OBSL1: variants seen among roughly 807,000 people sequenced by gnomAD.
The protein encoded by OBSL1 is obscurin-like protein 1.
Under a neutral mutation model 172.0 loss-of-function variants are expected in OBSL1, and 160 were observed. The observed-to-expected ratio is 0.93, with a 90% CI of 0.82 to 1.06. The LOEUF is 1.06. Among genes scored for constraint, OBSL1 ranks in the 50% least tolerant of loss-of-function variants. The pLI is 0.00. For synonymous variants in OBSL1, 1,200 were observed against 1,196.3 expected, an observed-to-expected ratio of 1.00 and a Z score of -0.06; for missense variants, 2,681 against 2,715.4, an observed-to-expected ratio of 0.99 and a Z score of 0.28.
intron 5 of OBSL1, among the ~76,000 whole-genome samples, chr2:219,566,400 CT>C (rs1371845663): frequency 3.3e-5 from 5 of 151,848 alleles, no homozygotes; most frequent in Non-Finnish European, 5.9e-5. Flanking sequence ...AAGAACCTAT[CT>C]TATAGGGCCA....
rs760540078 is a variant in OBSL1 at position 219,554,693 on chromosome 2, C to G, written c.4657G>C (p.Glu1553Gln). The stretch of plus-strand genomic sequence containing the variant: ...AGCTGGAAGGTGGCACTGCCCCCCT[C>G]ACTGATGGTCACGTCCTCCAGAGGC... Reference protein sequence around the residue: ...LRPLEDVTISEGGSATFQLEL... With the variant: ...LRPLEDVTISQGGSATFQLEL... Residue 1553 changes from glutamate (E) to glutamine (Q), a missense_variant, in exon 15 of 21, where the codon GAG becomes CAG. Physicochemically the swap from Glu to Gln is conservative, Grantham distance 29. Transcript: ENST00000404537. 3.8e-6 allele frequency: 6 copies of G among 1,582,190 alleles called. No individual in the cohort carries two copies. In the East Asian group the frequency reaches 1.4e-4, roughly 37 times the overall value.
At position 219,562,658 on chromosome 2, in the gene OBSL1, G is replaced by C; in HGVS notation, c.2697C>G (p.Ile899Met). The C allele has an allele frequency of 6.4e-7, 1 of 1,553,776 alleles. No homozygotes were observed. Among genetic ancestry groups the C allele is most frequent in the Non-Finnish European group, 8.7e-7 (1 of 1,149,356 alleles). Residue 899 changes from isoleucine (I) to methionine (M), a missense_variant, in exon 8 of 21, where the codon ATC becomes ATG. Ile to Met is a conservative substitution (Grantham distance 10). Around this residue, in one of 5 missense-constraint regions of OBSL1, gnomAD observed 1,765 missense variants for 1,748.3 expected, o/e 1.01. Transcript: ENST00000404537. ...TVTITDVSSW[I>M]VYPSGKVYVA... ...CATACACCTTGCCGCTGGGATACAC[G>C]ATCCACGAGGAGACGTCTGGAGGAC...
At chr2:219,567,229 G>A (rs767434290) in intron 4 of OBSL1, 44 bp downstream of exon 4, 24 of 1,562,264 alleles carry the variant, frequency 1.5e-5, no homozygotes, top group Non-Finnish European at 1.9e-5. Context: ...GAGGGCTGGG[G>A]AAGGGAGGAG....
chr2:219,552,153 T>G lies in OBSL1; in HGVS notation c.5372A>C (p.Gln1791Pro). 1 of 1,611,986 alleles carries G rather than the reference T, an allele frequency of 6.2e-7. No individual in the cohort carries two copies. Among genetic ancestry groups the G allele is most frequent in the Non-Finnish European group, 8.5e-7 (1 of 1,179,428 alleles). ...RAEDAGEVRFQAGPAQSLALL... is the reference protein window; with the variant it reads ...RAEDAGEVRFPAGPAQSLALL... ...AGCCAGGGACTGGGCGGGCCCCGCC[T>G]GGAAGCGGACTTCACCGGCGTCCTC... Residue 1791 changes from glutamine to proline, a missense_variant, in exon 19 of 21, where the codon CAG becomes CCG. This residue lies in a region of OBSL1 where 1,765 missense variants were observed against 1,748.3 expected (regional missense o/e 1.01). Coordinates refer to ENST00000404537, the MANE Select transcript of OBSL1 (RefSeq NM_015311.3).
At chr2:219,566,399 T>C (rs1235616481) in intron 5 of OBSL1, among the ~76,000 whole-genome samples, 3 of 151,604 alleles carry the variant, frequency 2.0e-5, no homozygotes, top group Non-Finnish European at 4.4e-5. Flanking sequence ...AAAGAACCTA[T>C]CTTATAGGGC....
In OBSL1 at chr2:219,557,320, G is replaced by A. The variant is rs899489208; in HGVS notation, c.4066+23C>T. 1.0e-5 allele frequency: 15 copies of A among 1,457,698 alleles called. No homozygotes were observed. In the African/African-American group the frequency reaches 2.0e-4, roughly 19 times the overall value. 90.3% of individuals were successfully genotyped at this position (1,457,698 alleles called of 1,614,324 possible). On this transcript the variant is annotated intron_variant, in intron 12 of 20. Coordinates refer to ENST00000404537, the MANE Select transcript of OBSL1 (RefSeq NM_015311.3). ...GGTCCTTGGGGTGCCACAGCCCACAGGGTGTGAGGGGTACACTGTTACCTT... is the reference window on the plus strand; with the variant it reads ...GGTCCTTGGGGTGCCACAGCCCACAAGGTGTGAGGGGTACACTGTTACCTT...
chr2:219,560,676 C>T (rs1007042634), intron 8 of OBSL1, among the ~76,000 whole-genome samples: 2 of 152,196 alleles, frequency 1.3e-5, no homozygotes, highest in Non-Finnish European at 2.9e-5. Context: ...CAAGCTCCCA[C>T]TCAGCCCCCC....
rs1312851146 is a variant in OBSL1, at chr2:219,570,768, G to C, written c.465C>G (p.Pro155=). 1 of 1,490,300 alleles carries C rather than the reference G, an allele frequency of 6.7e-7. No homozygotes were observed. Among genetic ancestry groups the C allele is most frequent in the Admixed American group, 2.2e-5 (1 of 45,408 alleles). The allele number at this position is 1,490,300 out of a possible 1,614,324, so 92.3% of individuals were successfully genotyped here. The change falls in exon 1 of 21, where the codon CCC becomes CCG. Residue 155 remains proline, a synonymous_variant. Coordinates refer to ENST00000404537, the MANE Select transcript of OBSL1 (RefSeq NM_015311.3). ...CCTTCTCCCAGTACAGTGTGGGCTC[G>C]GGGAGGCCCCCCGCCCGGCACGTCA... ...VVLTCRAGGL[P]EPTLYWEKDG... is the part of the protein sequence containing the mutation.
chr2:219,569,600 G>A (rs1697189933), intron 1 of OBSL1, among the ~76,000 whole-genome samples: 1 of 152,148 alleles, frequency 6.6e-6, no homozygotes, highest in South Asian at 2.1e-4. Flanking sequence ...TTTAATCAAA[G>A]AATAGTAAAA....
In OBSL1 at chr2:219,552,149, C is replaced by A. The variant is rs775843759; in HGVS notation, c.5376G>T (p.Ala1792=). 1.9e-6 allele frequency: 3 copies of A among 1,611,850 alleles called. No individual in the cohort carries two copies. In the South Asian group the frequency reaches 3.3e-5, roughly 18 times the overall value. Residue 1792 remains alanine, a synonymous_variant, in exon 19 of 21, where the codon GCG becomes GCT. Transcript: ENST00000404537. ...GTAGAGCCAGGGACTGGGCGGGCCC[C>A]GCCTGGAAGCGGACTTCACCGGCGT... is the stretch of plus-strand genomic sequence containing the variant. ...AEDAGEVRFQ[A]GPAQSLALLE... is the part of the protein sequence containing the mutation.
At chr2:219,547,597 A>G (rs745408193), downstream of OBSL1, 2 of 1,468,236 alleles carry the variant, frequency 1.4e-6, no homozygotes, top group Admixed American at 4.8e-5. Context: ...AGCGGGTGCT[A>G]GAGACACAGC....
chr2:219,547,645 C>T (rs199859732), downstream of OBSL1: 20 of 1,525,928 alleles, frequency 1.3e-5, no homozygotes, highest in African/African-American at 5.5e-5. Flanking sequence ...CTCTGGGCAT[C>T]GGGCTGCTCT....
At position 219,551,803 on chromosome 2, in the gene OBSL1, G is replaced by A. The variant is rs1458177956; in HGVS notation, c.5414-5C>T. ...GGCACATCTGGAGAGGCAATGCTGGGGGTAGGGGGCGGGGGCTTAAGTTAA... is the reference window on the plus strand; with the variant it reads ...GGCACATCTGGAGAGGCAATGCTGGAGGTAGGGGGCGGGGGCTTAAGTTAA... On this transcript the variant is annotated splice_polypyrimidine_tract_variant and splice_region_variant and intron_variant, in intron 19 of 20. Transcript: ENST00000404537. 3.2e-6 allele frequency: 5 copies of A among 1,551,194 alleles called. No individual in the cohort carries two copies. Among genetic ancestry groups the A allele is most frequent in the Non-Finnish European group, 4.4e-6 (5 of 1,141,894 alleles).
At chr2:219,554,902 G>A (rs1346666763) in intron 14 of OBSL1, 162 bp from the exon 15 acceptor site, 2 of 701,942 alleles carry the variant, frequency 2.8e-6, no homozygotes, top group Non-Finnish European at 4.6e-6. Flanking sequence ...GGAGCACGGT[G>A]GACAGATTTG....
rs752259359 is a variant in OBSL1, at chr2:219,558,048, C to T, written c.3565G>A (p.Glu1189Lys). The part of the protein sequence containing the change: ...TPSPLCVAPG[E>K]PVVLSCELSR... Reference sequence around the variant, plus strand: ...AGTTCACAGCTCAGCACCACTGGCTCCCCAGGGGCCACACAGAGCGGGCTT... The same window carrying T: ...AGTTCACAGCTCAGCACCACTGGCTTCCCAGGGGCCACACAGAGCGGGCTT... The change falls in exon 11 of 21, where the codon GAG becomes AAG. Residue 1189 changes from glutamate (E) to lysine (K), a missense_variant. Glu to Lys is a moderately conservative substitution (Grantham distance 56). Transcript: ENST00000404537. 1.4e-5 allele frequency: 23 copies of T among 1,613,446 alleles called. No homozygotes were observed. The highest frequency in any genetic ancestry group is 1.9e-5 in the Non-Finnish European group (22 of 1,179,838).
At chr2:219,559,953 A>C (rs1340352858) in intron 8 of OBSL1, among the ~76,000 whole-genome samples, 1 of 152,272 alleles carries the variant, frequency 6.6e-6, no homozygotes, top group Non-Finnish European at 1.5e-5. Flanking sequence ...AGAGCAATCA[A>C]GCTCAGGTTT....
Position 219,557,994 on chromosome 2 carries a change from TCCAGACCACGGGGGCG to T in OBSL1, c.3603_3618del (p.Pro1203ThrfsTer12). 1 of 1,611,804 alleles carries T rather than the reference TCCAGACCACGGGGGCG, an allele frequency of 6.2e-7. No individual in the cohort carries two copies. The highest frequency in any genetic ancestry group is 8.5e-7 in the Non-Finnish European group (1 of 1,179,388). ...TCCTGCACGGGCCTCCCATTGTGGC[TCCAGACCACGGGGGCG>T]CCAGCCCGGGACAGTTCACAGCTCA... is the stretch of plus-strand genomic sequence containing the variant. On this transcript the variant is annotated frameshift_variant, in exon 11 of 21. Transcript: ENST00000404537. LOFTEE classifies it high-confidence loss of function.
rs1333828103 is a variant in OBSL1 at position 219,562,775 on chromosome 2, G to A, written c.2681-101C>T. Reference sequence around the variant, plus strand: ...ACCCCTGGAAAGTAGGCCATGTGTTGAAGAGGGACCTTCCTGAGACCAAAT... The same window carrying A: ...ACCCCTGGAAAGTAGGCCATGTGTTAAAGAGGGACCTTCCTGAGACCAAAT... On this transcript the variant is annotated intron_variant, in intron 7 of 20. Coordinates refer to ENST00000404537, the MANE Select transcript of OBSL1 (RefSeq NM_015311.3). The A allele has an allele frequency of 6.1e-6, 8 of 1,308,390 alleles. No individual in the cohort carries two copies. In the East Asian group the frequency reaches 2.0e-4, roughly 33 times the overall value. The allele number at this position is 1,308,390 out of a possible 1,614,324, so 81.0% of individuals were successfully genotyped here.
intron 8 of OBSL1, 169 bp from the exon 9 acceptor site, chr2:219,559,666 G>T: frequency 1.6e-6 from 1 of 621,074 alleles, no homozygotes; most frequent in Non-Finnish European, 2.7e-6. Flanking sequence ...TGGGGCCAGA[G>T]GGTGTTACAG....
Sources: gnomAD v4.1 joint callset for allele counts (sites outside exome capture counted in the v4.1 genomes callset) on GRCh38, gnomAD v4.1.1 for gene constraint, gnomAD v4.1.1 regional missense constraint, MANE v1.5 for transcripts, NCBI Gene and HGNC (gene_info 2026-07-23, HGNC 2026-07-21) for gene names.